ARL13B: variants seen among roughly 807,000 people sequenced by gnomAD.
ARL13B encodes ARF like GTPase 13B.
Under a neutral mutation model 56.1 loss-of-function variants are expected in ARL13B, and 36 were observed. That is an observed-to-expected ratio of 0.64 (90% CI 0.49 to 0.85). ARL13B has a LOEUF of 0.85. ARL13B is among the 40% of genes least tolerant of loss of function. The pLI is 0.00. For synonymous variants in ARL13B, 178 were observed against 171.1 expected, an observed-to-expected ratio of 1.04 and a Z score of -0.32; for missense variants, 519 against 507.1, an observed-to-expected ratio of 1.02 and a Z score of -0.23.
At chr3:94,011,972 T>C (rs764037194) in intron 3 of ARL13B, among the ~76,000 whole-genome samples, 1 of 152,164 alleles carries the variant, frequency 6.6e-6, no homozygotes. Context: ...GCCAAATCTA[T>C]TGTTATTTTA....
chr3:94,024,302 G>A (rs1042900893), intron 3 of ARL13B, among the ~76,000 whole-genome samples: 3 of 152,162 alleles, frequency 2.0e-5, no homozygotes, highest in South Asian at 2.1e-4. Flanking sequence ...GGTTGCACCC[G>A]TGTAAATATA....
At chr3:94,009,817 G>A (rs1207112150) in intron 3 of ARL13B, among the ~76,000 whole-genome samples, 1 of 152,052 alleles carries the variant, frequency 6.6e-6, no homozygotes, top group Non-Finnish European at 1.5e-5. Flanking sequence ...ATGACATTCA[G>A]CTTCATAGCA....
chr3:94,034,216 T>C (rs535721998), intron 3 of ARL13B, among the ~76,000 whole-genome samples: 1 of 152,066 alleles, frequency 6.6e-6, no homozygotes, highest in South Asian at 2.1e-4. Context: ...ATTTTAATGG[T>C]AACTTGGGAA....
chr3:94,002,595 C>T (rs973436349), intron 2 of ARL13B, among the ~76,000 whole-genome samples: 1 of 152,126 alleles, frequency 6.6e-6, no homozygotes, highest in African/African-American at 2.4e-5. Flanking sequence ...TCTCTGTAGC[C>T]ATGAGTCAGT....
At chr3:94,014,204 T>G (rs776926113) in intron 3 of ARL13B, among the ~76,000 whole-genome samples, 2 of 152,326 alleles carry the variant, frequency 1.3e-5, no homozygotes, top group Middle Eastern at 3.4e-3. Flanking sequence ...AAGTGTGTTT[T>G]ATGTAACTGG....
chr3:94,050,297 G>A (rs1287122749), intron 8 of ARL13B, among the ~76,000 whole-genome samples: 1 of 151,938 alleles, frequency 6.6e-6, no homozygotes, highest in African/African-American at 2.4e-5. Context: ...GGATTAAATG[G>A]AGTAATGCAT....
At chr3:94,026,272 G>A (rs539696916) in intron 3 of ARL13B, among the ~76,000 whole-genome samples, 1 of 152,184 alleles carries the variant, frequency 6.6e-6, no homozygotes, top group East Asian at 1.9e-4. Flanking sequence ...TAGTGATGTT[G>A]TTTTAAAATT....
intron 3 of ARL13B, chr3:94,014,352 C>A: frequency 6.7e-7 from 1 of 1,492,528 alleles, no homozygotes; most frequent in East Asian, 2.3e-5. Context: ...TATCTTTTAC[C>A]GTAAAGCTGG....
At chr3:94,050,132 C>A (rs1266030667) in intron 8 of ARL13B, among the ~76,000 whole-genome samples, 5 of 148,984 alleles carry the variant, frequency 3.4e-5, no homozygotes, top group Non-Finnish European at 7.4e-5. Context: ...CCATTGCACT[C>A]CAGCCTGGGT....
intron 1 of ARL13B, among the ~76,000 whole-genome samples, chr3:93,987,785 A>C (rs999593471): frequency 4.6e-5 from 7 of 151,772 alleles, no homozygotes; most frequent in African/African-American, 1.4e-4. Context: ...AGTAACTGGG[A>C]GGTGCATGCC....
At chr3:93,995,117 A>G (rs548185290) in intron 1 of ARL13B, among the ~76,000 whole-genome samples, 2 of 152,282 alleles carry the variant, frequency 1.3e-5, no homozygotes, top group African/African-American at 4.8e-5. Flanking sequence ...ATGACTATAT[A>G]GTGGTAAACA....
chr3:93,996,383 T>C (rs2075965398), intron 2 of ARL13B, among the ~76,000 whole-genome samples: 2 of 152,176 alleles, frequency 1.3e-5, no homozygotes, highest in Non-Finnish European at 2.9e-5. Context: ...TTTTTCAATA[T>C]AAGTAATTTT....
In ARL13B at chr3:93,980,452, G is replaced by C. The variant is rs771363461; in HGVS notation, c.29G>C (p.Gly10Ala). 1.2e-6 allele frequency: 2 copies of C among 1,612,468 alleles called. No homozygotes were observed. The highest frequency in any genetic ancestry group is 1.7e-6 in the Non-Finnish European group (2 of 1,179,988). The change falls in exon 1 of 10, where the codon GGC becomes GCC. Residue 10 changes from glycine (G) to alanine (A), a missense_variant. Coordinates refer to ENST00000394222, the MANE Select transcript of ARL13B (RefSeq NM_001174150.2). MFSLMASCC[G>A]WFKRWREPVR... Reference sequence around the variant, plus strand: ...TTCAGTCTGATGGCCAGTTGCTGCGGCTGGTTCAAGCGGTGGCGGGAGCCT... The same window carrying C: ...TTCAGTCTGATGGCCAGTTGCTGCGCCTGGTTCAAGCGGTGGCGGGAGCCT...
chr3:93,982,290 G>A (rs1436449247), intron 1 of ARL13B, among the ~76,000 whole-genome samples: 1 of 152,152 alleles, frequency 6.6e-6, no homozygotes, highest in Non-Finnish European at 1.5e-5. Context: ...TTAAAATTTA[G>A]CTGCATAACC....
chr3:94,051,586 C>A (rs559423501), intron 9 of ARL13B, among the ~76,000 whole-genome samples: 53 of 152,172 alleles, frequency 3.5e-4, no homozygotes, highest in African/African-American at 1.3e-3. Flanking sequence ...TACAGACCAT[C>A]AGTCTAGGTC....
At chr3:94,039,151 T>A (rs1397142837) in intron 5 of ARL13B, among the ~76,000 whole-genome samples, 2 of 152,162 alleles carry the variant, frequency 1.3e-5, no homozygotes, top group Non-Finnish European at 2.9e-5. Context: ...GTTGAAGGAA[T>A]GTTTTCCTAG....
chr3:94,049,997 A>C (rs1393325228), intron 8 of ARL13B, among the ~76,000 whole-genome samples: 1 of 127,138 alleles, frequency 7.9e-6, no homozygotes, highest in East Asian at 2.6e-4. Flanking sequence ...CTAAAGATAC[A>C]AAAAAAAAAA....
In ARL13B at chr3:93,980,275, G is replaced by C. The variant is rs1176601794; in HGVS notation, c.-149G>C. 7.9e-6 allele frequency: 8 copies of C among 1,017,332 alleles called. No homozygotes were observed. Among genetic ancestry groups the C allele is most frequent in the Non-Finnish European group, 1.0e-5 (7 of 667,034 alleles). 63.0% of individuals were successfully genotyped at this position (1,017,332 alleles called of 1,614,324 possible). A position where few individuals can be genotyped will look rare whatever the true frequency, so the allele number is the denominator to read the frequency against. ...ACGCGGTTAGCAAGGCTTAGTGCTC[G>C]GGCCGGCCGCCTTCACTTCCCTCCC... On this transcript the variant is annotated 5_prime_UTR_variant, in exon 1 of 10. Coordinates refer to ENST00000394222, the MANE Select transcript of ARL13B (RefSeq NM_001174150.2).
chr3:93,993,612 A>T (rs2075915154), intron 1 of ARL13B, among the ~76,000 whole-genome samples: 1 of 152,134 alleles, frequency 6.6e-6, no homozygotes, highest in Non-Finnish European at 1.5e-5. Flanking sequence ...ATGCTACGTT[A>T]TCCATCTTCT....
Sources: allele counts gnomAD v4.1 joint callset (sites outside exome capture counted in the v4.1 genomes callset), GRCh38; gene constraint gnomAD v4.1.1; transcripts MANE v1.5; gene names NCBI Gene and HGNC (gene_info 2026-07-23, HGNC 2026-07-21).